PACRG: variants seen among roughly 807,000 people sequenced by gnomAD.
The protein encoded by PACRG is parkin coregulated, also known as parkin coregulated gene protein.
In PACRG, 29 loss-of-function variants were observed where a neutral mutation model predicts 29.7. The observed-to-expected ratio is 0.98, with a 90% CI of 0.73 to 1.33. The LOEUF (loss-of-function observed/expected upper bound fraction) is 1.33. Ranked by LOEUF, PACRG falls within the 40% of genes most tolerant of loss-of-function variation. The pLI is 0.00. For synonymous variants in PACRG, 116 were observed against 118.7 expected (o/e 0.98, Z 0.15); for missense variants, 279 against 316.2 (o/e 0.88, Z 0.89).
chr6:162,950,739 T>A (rs1243124661), intron 2 of PACRG, among the ~76,000 whole-genome samples: 4 of 152,178 alleles, frequency 2.6e-5, no homozygotes, highest in African/African-American at 7.2e-5. Context: ...CTGAATTCAA[T>A]ACAAACTGAT....
intron 4 of PACRG, among the ~76,000 whole-genome samples, chr6:163,186,157 G>T (rs554809129): frequency 1.3e-5 from 2 of 152,152 alleles, no homozygotes; most frequent in Non-Finnish European, 2.9e-5. Flanking sequence ...CTAGCCAGGG[G>T]GCTTCGTTGT....
At chr6:163,109,517 T>C (rs1815591252) in intron 4 of PACRG, among the ~76,000 whole-genome samples, 1 of 152,252 alleles carries the variant, frequency 6.6e-6, no homozygotes, top group African/African-American at 2.4e-5. Flanking sequence ...TTTGTGGTTT[T>C]CCTTTCTTCC....
Position 163,314,839 on chromosome 6 carries a change from A to G in PACRG, c.626A>G (p.Asp209Gly). The G allele has an allele frequency of 6.2e-7, 1 of 1,613,866 alleles. No homozygotes were observed. Among genetic ancestry groups the G allele is most frequent in the Non-Finnish European group, 8.5e-7 (1 of 1,179,954 alleles). ...IFKNMNVNSGDGIDYSQQKRE... is the reference protein window; with the variant it reads ...IFKNMNVNSGGGIDYSQQKRE... The stretch of plus-strand genomic sequence containing the variant: ...TTGCATGCACCAGTGAACTCCGGAG[A>G]CGGCATTGACTACAGCCAGCAGAAG... Residue 209 changes from aspartate to glycine, a missense_variant, in exon 5 of 5, where the codon GAC becomes GGC. Transcript: ENST00000366888.
intron 4 of PACRG, among the ~76,000 whole-genome samples, chr6:163,137,449 C>T (rs1816978764): frequency 6.6e-6 from 1 of 152,140 alleles, no homozygotes; most frequent in Admixed American, 6.5e-5. Flanking sequence ...TATGCTGAGG[C>T]AGTGCTGAAC....
At chr6:163,291,172 A>AC (rs1450132707) in intron 4 of PACRG, among the ~76,000 whole-genome samples, 1 of 143,192 alleles carries the variant, frequency 7.0e-6, no homozygotes, top group African/African-American at 2.7e-5. Context: ...CTGCAAGATG[A>AC]CCCTCTGCCT....
At chr6:163,047,307 T>A (rs887558638) in intron 2 of PACRG, among the ~76,000 whole-genome samples, 2 of 152,242 alleles carry the variant, frequency 1.3e-5, no homozygotes, top group Non-Finnish European at 2.9e-5. Flanking sequence ...TATACAGATA[T>A]GTGATCAAGG....
At chr6:163,228,223 C>A (rs949454722) in intron 4 of PACRG, among the ~76,000 whole-genome samples, 2 of 151,720 alleles carry the variant, frequency 1.3e-5, no homozygotes, top group African/African-American at 2.4e-5. Flanking sequence ...GCTCTCCAGG[C>A]AATGGATTCT....
At chr6:163,076,299 C>CCT (rs1336704025) in intron 3 of PACRG, among the ~76,000 whole-genome samples, 1 of 152,162 alleles carries the variant, frequency 6.6e-6, no homozygotes, top group South Asian at 2.1e-4. Flanking sequence ...GTGTGTAATT[C>CCT]TAAGAGGTCA....
intron 4 of PACRG, among the ~76,000 whole-genome samples, chr6:163,161,518 T>C (rs1778555686): frequency 6.6e-6 from 1 of 152,210 alleles, no homozygotes; most frequent in Non-Finnish European, 1.5e-5. Context: ...TTGATGGACA[T>C]TAGGTTATTT....
chr6:162,928,973 C>T (rs756195827), intron 2 of PACRG, among the ~76,000 whole-genome samples: 2 of 151,982 alleles, frequency 1.3e-5, no homozygotes, highest in Non-Finnish European at 2.9e-5. Flanking sequence ...CTGAATAATA[C>T]TCCATTGTGT....
chr6:162,766,617 G>T (rs938442758), intron 1 of PACRG, among the ~76,000 whole-genome samples: 3 of 152,072 alleles, frequency 2.0e-5, no homozygotes, highest in African/African-American at 4.8e-5. Context: ...TTTGTTTCTT[G>T]AATCTATTTT....
At chr6:162,828,361 A>T (rs1327413712) in intron 2 of PACRG, among the ~76,000 whole-genome samples, 1 of 152,190 alleles carries the variant, frequency 6.6e-6, no homozygotes, top group African/African-American at 2.4e-5. Flanking sequence ...ATCATATTTA[A>T]ATTGCATTCT....
upstream of PACRG, chr6:162,727,799 G>A: frequency 1.0e-6 from 1 of 960,784 alleles, no homozygotes; most frequent in Non-Finnish European, 1.6e-6. Context: ...CCGGCCCTAG[G>A]AATGCGCACG....
At chr6:163,284,317 C>A (rs1438233134) in intron 4 of PACRG, among the ~76,000 whole-genome samples, 1 of 152,200 alleles carries the variant, frequency 6.6e-6, no homozygotes, top group Non-Finnish European at 1.5e-5. Context: ...GACGTTCTGA[C>A]CTCAGTCCCA....
At chr6:162,810,330 A>G (rs1786740268) in intron 1 of PACRG, among the ~76,000 whole-genome samples, 1 of 152,238 alleles carries the variant, frequency 6.6e-6, no homozygotes. Context: ...TGTCAGAATA[A>G]GCAAGCTAAA....
rs77381725 is a variant in PACRG at position 163,243,680 on chromosome 6, C to T, written c.614-71147C>T. Among the ~76,000 whole-genome samples, 595 of 152,256 alleles carry T rather than the reference C, an allele frequency of 3.9e-3. 4 individuals carry two copies. Among genetic ancestry groups the T allele is most frequent in the African/African-American group, 0.013 (544 of 41,554 alleles). On this transcript the variant is annotated intron_variant, in intron 4 of 4. Transcript: ENST00000366888. ...CAGGTTCTGGTCCTGTCTGTCCATC[C>T]GCTGAAAAACTGAAGATGCTTAGAG...
intron 2 of PACRG, among the ~76,000 whole-genome samples, chr6:163,028,187 C>T (rs578033054): frequency 6.6e-6 from 1 of 152,130 alleles, no homozygotes; most frequent in Non-Finnish European, 1.5e-5. Context: ...TCCAATAAGC[C>T]AGGAAATTAT....
At chr6:163,065,464 A>G (rs1267267203) in intron 3 of PACRG, among the ~76,000 whole-genome samples, 1 of 152,180 alleles carries the variant, frequency 6.6e-6, no homozygotes, top group Non-Finnish European at 1.5e-5. Context: ...TTCTTCCAAA[A>G]CAGCGGTCAA....
chr6:162,957,288 C>T, intron 2 of PACRG: 1 of 557,622 alleles, frequency 1.8e-6, no homozygotes, highest in Non-Finnish European at 3.4e-6. Flanking sequence ...TTTTCTGCTC[C>T]TCGATAAAGA....
Sources: gnomAD v4.1 joint callset for allele counts (sites outside exome capture counted in the v4.1 genomes callset) on GRCh38, gnomAD v4.1.1 for gene constraint, MANE v1.5 for transcripts, NCBI Gene and HGNC (gene_info 2026-07-23, HGNC 2026-07-21) for gene names.